The following ADAMTS6 variants were observed in gnomAD, a reference collection of about 807,000 sequenced individuals.
ADAMTS6 encodes A disintegrin and metalloproteinase with thrombospondin motifs 6.
ADAMTS6 carries 23 observed loss-of-function variants against 144.3 expected under a neutral mutation model. That is an observed-to-expected ratio of 0.16 (90% confidence interval 0.11 to 0.23). ADAMTS6 has a LOEUF of 0.23. Ranked by LOEUF, ADAMTS6 falls within the 10% of genes least tolerant of loss-of-function variation. The pLI is 1.00. For missense variants in ADAMTS6, 999 were observed against 1,379.6 expected, an observed-to-expected ratio of 0.72 and a Z score of 4.37; for synonymous variants, 444 against 457.5, an observed-to-expected ratio of 0.97 and a Z score of 0.38.
chr5:65,300,271 TAGGATTA>T, intron 9 of ADAMTS6, 140 bp from the exon 10 acceptor site: 2 of 699,456 alleles, frequency 2.9e-6, no homozygotes, highest in Non-Finnish European at 4.6e-6. Context: ...TAAAGAAATT[TAGGATTA>T]AAATTAAAGA....
At position 65,375,989 on chromosome 5, in the gene ADAMTS6, T is replaced by A. The variant is rs181797290; in HGVS notation, c.1074-41904A>T. ...ACATGGATGAAATTGGAAATCAGCA[T>A]TCTCAGTAAACTATTGCAAGAACAA... is the stretch of plus-strand genomic sequence containing the variant. On this transcript the variant is annotated intron_variant, in intron 7 of 24. Coordinates refer to ENST00000381055, the MANE Select transcript of ADAMTS6 (RefSeq NM_197941.4). Among the ~76,000 whole-genome samples, 15 of 152,268 alleles carry A rather than the reference T, an allele frequency of 9.9e-5. No homozygotes were observed. The East Asian group carries it at 2.9e-3, about 29-fold the overall frequency.
At chr5:65,241,914 A>G (rs1426316463) in intron 15 of ADAMTS6, among the ~76,000 whole-genome samples, 190 bp downstream of exon 15, 4 of 152,232 alleles carry the variant, frequency 2.6e-5, no homozygotes, top group Admixed American at 1.3e-4. Flanking sequence ...GTACTAATAT[A>G]TAAACCTTAT....
intron 15 of ADAMTS6, among the ~76,000 whole-genome samples, chr5:65,230,302 A>C (rs1427026625): frequency 1.2e-5 from 1 of 80,144 alleles, no homozygotes; most frequent in Non-Finnish European, 2.5e-5. Flanking sequence ...ATATATATAT[A>C]TATATATATG....
At chr5:65,391,361 T>A (rs1752894683) in intron 7 of ADAMTS6, among the ~76,000 whole-genome samples, 2 of 152,138 alleles carry the variant, frequency 1.3e-5, no homozygotes, top group Admixed American at 6.5e-5. Flanking sequence ...CCCAGACTTA[T>A]CTATTGATAC....
intron 23 of ADAMTS6, among the ~76,000 whole-genome samples, chr5:65,172,183 G>A (rs1753671959): frequency 6.6e-6 from 1 of 151,524 alleles, no homozygotes; most frequent in South Asian, 2.1e-4. Context: ...GGGAGGCCGA[G>A]GCGGGCGGAT....
rs112032539 is a variant in ADAMTS6 at position 65,302,704 on chromosome 5, T to C, written c.1224-2573A>G. 3.4e-3 allele frequency among the ~76,000 whole-genome samples: 518 copies of C among 152,174 alleles called. 1 individual carries two copies. The highest frequency in any genetic ancestry group is 0.01 in the Middle Eastern group (3 of 294). On this transcript the variant is annotated intron_variant, in intron 9 of 24. Transcript: ENST00000381055. ...CACATAAAGACCTCAGTAGTGTAAA[T>C]GTGTAATGTTTCTTATTTCTCTGAA...
Position 65,440,421 on chromosome 5 carries a change from T to G in ADAMTS6, c.1073+11054A>C, listed in dbSNP as rs376756692. Among the ~76,000 whole-genome samples the G allele has an allele frequency of 5.3e-4, 80 of 152,142 alleles. 2 individuals carry two copies. The South Asian group carries it at 0.016, about 30-fold the overall frequency. ...CCCCCAGCTTACTACCTTGAGAAAT[T>G]CAATGCCATGAAACAGAGTGGGGAA... On this transcript the variant is annotated intron_variant, in intron 7 of 24. Coordinates refer to ENST00000381055, the MANE Select transcript of ADAMTS6 (RefSeq NM_197941.4).
chr5:65,220,082 C>T (rs1035577435), intron 18 of ADAMTS6, among the ~76,000 whole-genome samples: 1 of 152,106 alleles, frequency 6.6e-6, no homozygotes, highest in Admixed American at 6.5e-5. Context: ...ATGCATTCTT[C>T]TCAAGTGCAC....
At chr5:65,381,529 A>ATTTTTTTTTTTT (rs748143650) in intron 7 of ADAMTS6, among the ~76,000 whole-genome samples, 6 of 103,130 alleles carry the variant, frequency 5.8e-5, no homozygotes, top group African/African-American at 1.1e-4. Flanking sequence ...TGCCTGGCTA[A>ATTTTTTTTTTTT]TTTTTTTTTT....
chr5:65,450,980 T>C (rs1489527840), intron 7 of ADAMTS6, among the ~76,000 whole-genome samples: 1 of 152,206 alleles, frequency 6.6e-6, no homozygotes, highest in Non-Finnish European at 1.5e-5. Flanking sequence ...TTTATGTTTA[T>C]ATATCTTAAA....
chr5:65,294,000 G>A (rs1742580264), intron 10 of ADAMTS6, among the ~76,000 whole-genome samples: 2 of 152,144 alleles, frequency 1.3e-5, no homozygotes, highest in African/African-American at 4.8e-5. Flanking sequence ...CTTTTGAAAT[G>A]GATTTGGCTA....
At chr5:65,207,718 A>T (rs1405341496) in intron 20 of ADAMTS6, among the ~76,000 whole-genome samples, 1 of 152,254 alleles carries the variant, frequency 6.6e-6, no homozygotes, top group African/African-American at 2.4e-5. Flanking sequence ...TAGAACTGTA[A>T]TTTAAAAGAA....
intron 7 of ADAMTS6, among the ~76,000 whole-genome samples, chr5:65,428,703 C>G (rs1756757978): frequency 1.3e-5 from 2 of 152,114 alleles, no homozygotes; most frequent in South Asian, 4.1e-4. Flanking sequence ...AAGTACCTTG[C>G]TGTCTGGCAA....
At position 65,428,748 on chromosome 5, in the gene ADAMTS6, A is replaced by C. The variant is rs1164172233; in HGVS notation, c.1073+22727T>G. On this transcript the variant is annotated intron_variant, in intron 7 of 24. Coordinates refer to ENST00000381055, the MANE Select transcript of ADAMTS6 (RefSeq NM_197941.4). ...CTTTCTAGAGCGTTTATCTGGGAGA[A>C]GACCAAAGGGCATATTCAGTCTGTA... Among the ~76,000 whole-genome samples, 3 of 152,342 alleles carry C rather than the reference A, an allele frequency of 2.0e-5. No individual in the cohort carries two copies. The East Asian group carries it at 5.8e-4, about 29-fold the overall frequency.
chr5:65,196,491 C>T (rs1755374010), intron 21 of ADAMTS6, among the ~76,000 whole-genome samples: 1 of 124,412 alleles, frequency 8.0e-6, no homozygotes, highest in Non-Finnish European at 1.6e-5. Context: ...CCACTGCACT[C>T]CAGCCTGGGC....
At chr5:65,432,169 A>C (rs1301207732) in intron 7 of ADAMTS6, among the ~76,000 whole-genome samples, 1 of 152,068 alleles carries the variant, frequency 6.6e-6, no homozygotes, top group African/African-American at 2.4e-5. Context: ...AGGGTACAAA[A>C]GATAGCTGAT....
At chr5:65,174,463 G>A (rs765371177) in intron 22 of ADAMTS6, among the ~76,000 whole-genome samples, 1 of 152,170 alleles carries the variant, frequency 6.6e-6, no homozygotes, top group Non-Finnish European at 1.5e-5. Flanking sequence ...CTGGTGGAAC[G>A]CCTCGCCAGA....
chr5:65,424,358 A>C (rs1156383740), intron 7 of ADAMTS6, among the ~76,000 whole-genome samples: 1 of 152,246 alleles, frequency 6.6e-6, no homozygotes, highest in African/African-American at 2.4e-5. Flanking sequence ...ATAAAGATTA[A>C]GTGTGCTCAA....
At chr5:65,458,505 G>A (rs532932688) in intron 4 of ADAMTS6, among the ~76,000 whole-genome samples, 10 of 152,172 alleles carry the variant, frequency 6.6e-5, no homozygotes, top group East Asian at 3.9e-4. Flanking sequence ...TCCACCTCCC[G>A]GGTTTAAGCG....
Sources: gnomAD v4.1 joint callset for allele counts (sites outside exome capture counted in the v4.1 genomes callset) on GRCh38, gnomAD v4.1.1 for gene constraint, MANE v1.5 for transcripts, NCBI Gene and HGNC (gene_info 2026-07-23, HGNC 2026-07-21) for gene names.